MSTO1: variants seen among roughly 807,000 people sequenced by gnomAD.
MSTO1 encodes the protein misato mitochondrial distribution and morphology regulator 1.
A neutral mutation model predicts 55.7 loss-of-function variants in MSTO1; 24 were observed. The ratio of observed to expected loss-of-function variants is 0.43; its 90% CI spans 0.31 to 0.61. The LOEUF (loss-of-function observed/expected upper bound fraction) is 0.61. MSTO1 is among the 20% of genes least tolerant of loss of function. MSTO1 has a pLI of 0.09. For missense variants in MSTO1, 363 were observed against 625.7 expected (o/e 0.58, Z 4.48); for synonymous variants, 162 against 252.8 (o/e 0.64, Z 3.41).
At chr1:155,564,180 A>G in the MSTO1 span, among the ~76,000 whole-genome samples, 2 of 152,212 alleles carry the variant, frequency 1.3e-5, no homozygotes, top group Non-Finnish European at 2.9e-5. Context: ...CCAGGAAGTA[A>G]TTCAGAAATG....
chr1:155,574,870 C>CTTTTTTT, the MSTO1 span, among the ~76,000 whole-genome samples: 1 of 126,244 alleles, frequency 7.9e-6, no homozygotes, highest in Non-Finnish European at 1.7e-5. Flanking sequence ...AGAACTTTTT[C>CTTTTTTT]TTTTTTTTTT....
At chr1:155,590,219 G>C in the MSTO1 span, among the ~76,000 whole-genome samples, 1 of 152,104 alleles carries the variant, frequency 6.6e-6, no homozygotes, top group Admixed American at 6.6e-5. Context: ...GGGGGCAGCT[G>C]TCCAGCGACA....
the MSTO1 span, among the ~76,000 whole-genome samples, chr1:155,587,466 G>A: frequency 7.4e-5 from 11 of 148,348 alleles, no homozygotes; most frequent in Admixed American, 5.4e-4. Flanking sequence ...AAAAAAGGCC[G>A]GGCGTGGTGG....
intron 7 of MSTO1, 24 bp from the exon 8 acceptor site, chr1:155,612,158 C>G: frequency 1.2e-6 from 2 of 1,613,800 alleles, no homozygotes; most frequent in Non-Finnish European, 1.7e-6. Flanking sequence ...TGCTAACTAT[C>G]TTTTGTCACT....
chr1:155,586,394 A>T, the MSTO1 span, among the ~76,000 whole-genome samples: 3 of 151,848 alleles, frequency 2.0e-5, no homozygotes, highest in Non-Finnish European at 4.4e-5. Context: ...TCTCATTTTC[A>T]TGGTTTTAAT....
upstream of MSTO1, chr1:155,610,146 T>C: frequency 9.1e-7 from 1 of 1,095,346 alleles, no homozygotes; most frequent in Admixed American, 2.3e-5. Context: ...TGCGGGCCAA[T>C]AAGTAGCCGA....
chr1:155,587,213 G>T, the MSTO1 span, among the ~76,000 whole-genome samples: 17 of 152,032 alleles, frequency 1.1e-4, no homozygotes, highest in African/African-American at 3.9e-4. Context: ...AGGGTGAGGC[G>T]GGAGGATCAC....
upstream of MSTO1, among the ~76,000 whole-genome samples, chr1:155,605,275 CAAAA>C (rs1397374856): frequency 2.0e-5 from 3 of 151,790 alleles, no homozygotes; most frequent in East Asian, 5.8e-4. Flanking sequence ...CAAAACAAAA[CAAAA>C]CAAAACAAAA....
chr1:155,584,691 A>AAAAAAAAG, the MSTO1 span, among the ~76,000 whole-genome samples: 269 of 75,594 alleles, frequency 3.6e-3, 15 homozygotes, highest in African/African-American at 4.2e-3. Flanking sequence ...AAAAAAAAAA[A>AAAAAAAAG]AAAGAAAGAA....
chr1:155,593,462 G>A, the MSTO1 span, among the ~76,000 whole-genome samples: 1 of 152,128 alleles, frequency 6.6e-6, no homozygotes, highest in African/African-American at 2.4e-5. Flanking sequence ...TGTGAATTCT[G>A]GTTCACCATC....
chr1:155,608,257 G>A (rs1445233965), upstream of MSTO1, among the ~76,000 whole-genome samples: 1 of 152,140 alleles, frequency 6.6e-6, no homozygotes, highest in Non-Finnish European at 1.5e-5. Context: ...TCTAATTCCT[G>A]CGCTGAAGCG....
chr1:155,588,084 C>A, the MSTO1 span, among the ~76,000 whole-genome samples: 1 of 151,720 alleles, frequency 6.6e-6, no homozygotes, highest in Non-Finnish European at 1.5e-5. Context: ...TGCCAGGCGC[C>A]TGTAATCTCA....
chr1:155,590,546 G>T, the MSTO1 span: 1 of 865,384 alleles, frequency 1.2e-6, no homozygotes, highest in East Asian at 2.5e-5. Context: ...AAGCTGTTGG[G>T]CACTGCCACT....
At chr1:155,595,662 A>G in the MSTO1 span, among the ~76,000 whole-genome samples, 1 of 150,882 alleles carries the variant, frequency 6.6e-6, no homozygotes, top group Non-Finnish European at 1.5e-5. Context: ...TAATTTTTAT[A>G]TTTTATATTT....
At chr1:155,597,982 A>C in the MSTO1 span, among the ~76,000 whole-genome samples, 2 of 148,200 alleles carry the variant, frequency 1.3e-5, no homozygotes, top group East Asian at 2.0e-4. Context: ...ACGCCCAGCT[A>C]ATTTTTTGTA....
chr1:155,569,434 CTT>C, the MSTO1 span, among the ~76,000 whole-genome samples: 7 of 89,770 alleles, frequency 7.8e-5, no homozygotes, highest in Admixed American at 2.6e-4. Context: ...TGCGCCCGGT[CTT>C]TTTTTTTTTT....
the MSTO1 span, among the ~76,000 whole-genome samples, chr1:155,587,197 T>G: frequency 6.6e-6 from 1 of 152,092 alleles, no homozygotes; most frequent in East Asian, 1.9e-4. Context: ...ATCCCAGCAC[T>G]TTGAGAGGGT....
chr1:155,579,681 A>C, the MSTO1 span, among the ~76,000 whole-genome samples: 1 of 152,182 alleles, frequency 6.6e-6, no homozygotes, highest in Non-Finnish European at 1.5e-5. Context: ...TAATGCCTTT[A>C]ATTTGCTTAT....
the MSTO1 span, among the ~76,000 whole-genome samples, chr1:155,576,724 A>T: frequency 6.6e-6 from 1 of 151,276 alleles, no homozygotes; most frequent in East Asian, 2.0e-4. Flanking sequence ...CTGCTATAGA[A>T]AATTAGAGGC....
Sources: allele counts gnomAD v4.1 joint callset (sites outside exome capture counted in the v4.1 genomes callset), GRCh38; gene constraint gnomAD v4.1.1; transcripts MANE v1.5; gene names NCBI Gene and HGNC (gene_info 2026-07-23, HGNC 2026-07-21).